The following GCNT2 variants were observed in gnomAD, a reference collection of about 807,000 sequenced individuals.
GCNT2 encodes glucosaminyl (N-acetyl) transferase 2 (I blood group), also known as N-acetyllactosaminide beta-1,6-N-acetylglucosaminyl-transferase.
A neutral mutation model predicts 34.2 loss-of-function variants in GCNT2; 34 were observed. That is an observed-to-expected ratio of 1.00 (90% CI 0.76 to 1.32). The LOEUF is 1.32. Among genes scored for constraint, GCNT2 ranks in the 40% most tolerant of loss-of-function variants. GCNT2 has a pLI of 0.00. For missense variants in GCNT2, 584 were observed against 489.4 expected (o/e 1.19, Z -1.82); for synonymous variants, 212 against 188.0 (o/e 1.13, Z -1.04).
rs570039266 is a variant in GCNT2, at chr6:10,587,897, C to G, written c.926-33454C>G. On this transcript the variant is annotated intron_variant, in intron 3 of 4. Transcript: ENST00000495262. ...CCGACAAGCCTCACATACTTCCTGT[C>G]TACACACACACACTGCACAACCACA... Among the ~76,000 whole-genome samples the G allele has an allele frequency of 7.2e-5, 11 of 152,278 alleles. No individual in the cohort carries two copies. In the South Asian group the frequency reaches 2.3e-3, roughly 32 times the overall value.
intron 3 of GCNT2, among the ~76,000 whole-genome samples, chr6:10,617,405 A>G (rs1765826924): frequency 6.6e-6 from 1 of 151,598 alleles, no homozygotes; most frequent in Non-Finnish European, 1.5e-5. Flanking sequence ...CTCTCTCCAC[A>G]CCTCCCAGCA....
intron 3 of GCNT2, among the ~76,000 whole-genome samples, chr6:10,589,711 C>T (rs987070811): frequency 6.6e-6 from 1 of 152,088 alleles, no homozygotes; most frequent in Non-Finnish European, 1.5e-5. Flanking sequence ...TTAATACTTC[C>T]TTGTACATCT....
At position 10,538,367 on chromosome 6, in the gene GCNT2, C is replaced by T. The variant is rs2113567014; in HGVS notation, c.925+8531C>T. 1.6e-5 allele frequency among the ~76,000 whole-genome samples: 2 copies of T among 128,974 alleles called. 1 individual carries two copies. The highest frequency in any genetic ancestry group is 5.1e-4 in the South Asian group (2 of 3,916). The allele number at this position is 128,974 out of a possible 152,430, so 84.6% of individuals were successfully genotyped here. On this transcript the variant is annotated intron_variant, in intron 3 of 4. Transcript: ENST00000495262. Reference sequence around the variant, plus strand: ...AGGTTGCAGTGAGCTGAGATCGCACCATTGCACTCTGGCCTGGGCGACAAG... The same window carrying T: ...AGGTTGCAGTGAGCTGAGATCGCACTATTGCACTCTGGCCTGGGCGACAAG...
intron 3 of GCNT2, among the ~76,000 whole-genome samples, chr6:10,613,960 C>T (rs1013788772): frequency 3.9e-5 from 6 of 152,084 alleles, no homozygotes; most frequent in African/African-American, 9.7e-5. Context: ...TGGCAGCAGG[C>T]AGGAAACAGG....
chr6:10,542,918 T>A (rs1025721977), intron 3 of GCNT2, among the ~76,000 whole-genome samples: 49 of 141,494 alleles, frequency 3.5e-4, no homozygotes, highest in East Asian at 1.0e-3. Flanking sequence ...TTTTTTTTTT[T>A]AATTTTGAGA....
intron 3 of GCNT2, among the ~76,000 whole-genome samples, chr6:10,616,583 G>C (rs55880846): frequency 0.028 from 4,308 of 152,226 alleles, 87 homozygotes; most frequent in Middle Eastern, 0.071. Flanking sequence ...CAAACCCTGA[G>C]CTAGATACAG....
At chr6:10,540,342 T>G (rs75168444) in intron 3 of GCNT2, among the ~76,000 whole-genome samples, 1 of 151,796 alleles carries the variant, frequency 6.6e-6, no homozygotes, top group Non-Finnish European at 1.5e-5. Context: ...GTTCATGCTG[T>G]CTTTTTGTTC....
chr6:10,556,011 C>T (rs372128273), intron 3 of GCNT2: 10 of 1,121,908 alleles, frequency 8.9e-6, no homozygotes, highest in Admixed American at 9.6e-5. Context: ...GCTTTCACTG[C>T]GCTCATTCCC....
At chr6:10,616,576 A>G (rs1458006464) in intron 3 of GCNT2, among the ~76,000 whole-genome samples, 2 of 151,824 alleles carry the variant, frequency 1.3e-5, no homozygotes, top group Non-Finnish European at 2.9e-5. Flanking sequence ...GCATTTACAA[A>G]CCCTGAGCTA....
intron 3 of GCNT2, among the ~76,000 whole-genome samples, chr6:10,582,334 A>G (rs1404191886): frequency 2.1e-5 from 2 of 94,502 alleles, no homozygotes; most frequent in Non-Finnish European, 3.7e-5. Context: ...TATAATATAT[A>G]CTATATAATA....
intron 3 of GCNT2, among the ~76,000 whole-genome samples, chr6:10,563,774 AAAAATATATATATATAT>A (rs1247328320): frequency 1.2e-4 from 5 of 41,002 alleles, no homozygotes; most frequent in East Asian, 1.1e-3. Flanking sequence ...AAAAAAAAAA[AAAAATATATATATATAT>A]ATATATATAT....
chr6:10,597,395 T>G (rs1764903808), intron 3 of GCNT2, among the ~76,000 whole-genome samples: 1 of 151,952 alleles, frequency 6.6e-6, no homozygotes, highest in South Asian at 2.1e-4. Flanking sequence ...GCTCAAGCAA[T>G]CTGCTTGCCT....
intron 3 of GCNT2, among the ~76,000 whole-genome samples, chr6:10,550,332 G>A (rs564463809): frequency 2.0e-5 from 3 of 152,000 alleles, no homozygotes; most frequent in South Asian, 2.1e-4. Flanking sequence ...CACTGAGTCC[G>A]GCCTAACATT....
Position 10,626,558 on chromosome 6 carries a change from G to A in GCNT2, c.1160G>A (p.Arg387Lys). The A allele has an allele frequency of 6.2e-7, 1 of 1,614,016 alleles. No individual in the cohort carries two copies. The highest frequency in any genetic ancestry group is 8.5e-7 in the Non-Finnish European group (1 of 1,179,886). ...TGCCTAGAACTGAGGCATCGCGAAA[G>A]AACCCTCAATCAGAGTGAAACTGCG... ...VECLELRHRERTLNQSETAIQ... is the reference protein window; with the variant it reads ...VECLELRHREKTLNQSETAIQ... The change falls in exon 5 of 5, where the codon AGA becomes AAA. Residue 387 changes from arginine to lysine, a missense_variant. Transcript: ENST00000495262.
chr6:10,528,723 T>C lies in GCNT2; in HGVS notation c.-189T>C, dbSNP rs2113503047. 3 of 623,142 alleles carry C rather than the reference T, an allele frequency of 4.8e-6. No individual in the cohort carries two copies. In the East Asian group the frequency reaches 8.2e-5, roughly 17 times the overall value. 38.6% of individuals were successfully genotyped at this position (623,142 alleles called of 1,614,324 possible). A position where few individuals can be genotyped will look rare whatever the true frequency, so the allele number is the denominator to read the frequency against. On this transcript the variant is annotated 5_prime_UTR_variant, in exon 3 of 5. Transcript: ENST00000495262. ...ACAGAAAAGTGAAAATGCAACCTAG[T>C]GGTAAGTGAAGAGGGGAAGAAGAAA... is the stretch of plus-strand genomic sequence containing the variant.
intron 3 of GCNT2, among the ~76,000 whole-genome samples, chr6:10,538,176 G>T (rs1275617725): frequency 6.6e-6 from 1 of 151,766 alleles, no homozygotes; most frequent in South Asian, 2.1e-4. Flanking sequence ...GGGCAGCTGA[G>T]GTGGGCAGAT....
intron 3 of GCNT2, among the ~76,000 whole-genome samples, chr6:10,609,350 G>A (rs1765454805): frequency 6.6e-6 from 1 of 152,188 alleles, no homozygotes; most frequent in African/African-American, 2.4e-5. Flanking sequence ...AGAGGGTCAA[G>A]CTTGCTTTTA....
At chr6:10,527,841 T>C (rs930401077) in intron 2 of GCNT2, among the ~76,000 whole-genome samples, 181 bp downstream of exon 2, 1 of 152,096 alleles carries the variant, frequency 6.6e-6, no homozygotes, top group African/African-American at 2.4e-5. Flanking sequence ...ACAATTGACC[T>C]CTGGTGGTAA....
rs761019351 is a variant in GCNT2 at position 10,628,650 on chromosome 6, A to G, written c.*2043A>G. 1.3e-5 allele frequency: 2 copies of G among 152,212 alleles called. No homozygotes were observed. Among genetic ancestry groups the G allele is most frequent in the Non-Finnish European group, 2.9e-5 (2 of 68,064 alleles). 9.4% of individuals were successfully genotyped at this position (152,212 alleles called of 1,614,324 possible). A position where few individuals can be genotyped will look rare whatever the true frequency, so the allele number is the denominator to read the frequency against. On this transcript the variant is annotated 3_prime_UTR_variant, in exon 5 of 5. Transcript: ENST00000495262. Reference sequence around the variant, plus strand: ...AACCCTCAATGTGATGGTATTTGAGATGGGGCCTTTGGTAAGGGAAGTTTA... The same window carrying G: ...AACCCTCAATGTGATGGTATTTGAGGTGGGGCCTTTGGTAAGGGAAGTTTA...
Sources: allele counts gnomAD v4.1 joint callset (sites outside exome capture counted in the v4.1 genomes callset), GRCh38; gene constraint gnomAD v4.1.1; transcripts MANE v1.5; gene names NCBI Gene and HGNC (gene_info 2026-07-23, HGNC 2026-07-21).